Variants in NALF1 observed in about 807,000 individuals in gnomAD.
NALF1 encodes family with sequence similarity 155 member A.
NALF1 carries 3 observed loss-of-function variants against 48.4 expected under a neutral mutation model. The observed-to-expected ratio is 0.06, with a 90% CI of 0.03 to 0.16. NALF1 has a LOEUF of 0.16. NALF1 is among the 10% of genes least tolerant of loss of function. The pLI, the probability that NALF1 is intolerant of heterozygous loss-of-function variation, is 1.00. For missense variants in NALF1, 526 were observed against 571.5 expected (o/e 0.92, Z 0.81); for synonymous variants, 262 against 245.7 (o/e 1.07, Z -0.62).
At chr13:107,700,933 A>AT (rs1367770520) in intron 1 of NALF1, among the ~76,000 whole-genome samples, 29 of 152,282 alleles carry the variant, frequency 1.9e-4, no homozygotes, top group Admixed American at 1.9e-3. Flanking sequence ...TAAAACTTCT[A>AT]TATCACCTTA....
chr13:107,468,372 C>T (rs1594079102), intron 1 of NALF1, among the ~76,000 whole-genome samples: 1 of 152,226 alleles, frequency 6.6e-6, no homozygotes, highest in East Asian at 1.9e-4. Flanking sequence ...CTCTCATAAA[C>T]TTTGAAAGCT....
chr13:107,375,240 T>C (rs1310032508), intron 1 of NALF1, among the ~76,000 whole-genome samples: 1 of 152,216 alleles, frequency 6.6e-6, no homozygotes, highest in Non-Finnish European at 1.5e-5. Flanking sequence ...TGTTTAGCTT[T>C]CAAGTATGTG....
At chr13:107,592,227 T>C (rs935453677) in intron 1 of NALF1, among the ~76,000 whole-genome samples, 1 of 151,944 alleles carries the variant, frequency 6.6e-6, no homozygotes, top group Non-Finnish European at 1.5e-5. Context: ...CAAAATGTGA[T>C]ATTTGCTATG....
intron 1 of NALF1, among the ~76,000 whole-genome samples, chr13:107,338,948 C>G (rs532729009): frequency 6.6e-5 from 10 of 151,644 alleles, no homozygotes; most frequent in African/African-American, 2.4e-5. Context: ...CTGGCTAACA[C>G]GGTGAAACCC....
chr13:107,236,068 G>A (rs1880335695), intron 1 of NALF1, among the ~76,000 whole-genome samples: 1 of 152,114 alleles, frequency 6.6e-6, no homozygotes, highest in Non-Finnish European at 1.5e-5. Flanking sequence ...TAGTGCCTAG[G>A]AGCAATCTGC....
intron 2 of NALF1, among the ~76,000 whole-genome samples, chr13:107,207,319 T>C (rs948503195): frequency 6.6e-6 from 1 of 152,216 alleles, no homozygotes. Context: ...AAAAACAGAA[T>C]GTAAATGGCT....
At chr13:107,371,457 T>C (rs1260953888) in intron 1 of NALF1, among the ~76,000 whole-genome samples, 1 of 96,244 alleles carries the variant, frequency 1.0e-5, no homozygotes, top group Non-Finnish European at 2.3e-5. Flanking sequence ...AAAATAAAAA[T>C]AAAATAAATA....
chr13:107,567,021 A>G (rs1877830910), intron 1 of NALF1, among the ~76,000 whole-genome samples: 1 of 152,244 alleles, frequency 6.6e-6, no homozygotes, highest in Non-Finnish European at 1.5e-5. Context: ...AAAATTACAA[A>G]GGCATAAAAA....
intron 1 of NALF1, among the ~76,000 whole-genome samples, chr13:107,636,442 T>C (rs1406487189): frequency 6.6e-6 from 1 of 152,158 alleles, no homozygotes; most frequent in East Asian, 1.9e-4. Flanking sequence ...GATTTGTGGG[T>C]GCCCCATCTA....
chr13:107,617,363 C>T (rs1460911451), intron 1 of NALF1, among the ~76,000 whole-genome samples: 2 of 152,106 alleles, frequency 1.3e-5, no homozygotes, highest in Non-Finnish European at 2.9e-5. Flanking sequence ...GAGAATCATT[C>T]GTAACAGTCA....
intron 1 of NALF1, among the ~76,000 whole-genome samples, chr13:107,329,833 C>G (rs143876049): frequency 1.1e-4 from 16 of 152,256 alleles, no homozygotes; most frequent in African/African-American, 3.6e-4. Flanking sequence ...AAGACATGAA[C>G]TCATCATTTT....
At chr13:107,698,512 T>C (rs906244211) in intron 1 of NALF1, among the ~76,000 whole-genome samples, 3 of 152,206 alleles carry the variant, frequency 2.0e-5, no homozygotes, top group Admixed American at 6.5e-5. Flanking sequence ...CCTACTCCTA[T>C]ACCCCATATA....
intron 1 of NALF1, among the ~76,000 whole-genome samples, chr13:107,585,809 A>G (rs1401306914): frequency 2.6e-5 from 4 of 152,138 alleles, no homozygotes; most frequent in Non-Finnish European, 5.9e-5. Context: ...TTTCATAAAC[A>G]CACTCTATGG....
chr13:107,368,543 C>T (rs4526881), intron 1 of NALF1, among the ~76,000 whole-genome samples: 13,700 of 152,184 alleles, frequency 0.09, 778 homozygotes, highest in East Asian at 0.11. Flanking sequence ...TTCCACTCTT[C>T]GTCTCTTCTG....
At chr13:107,448,458 GC>G (rs1884686739) in intron 1 of NALF1, among the ~76,000 whole-genome samples, 2 of 152,252 alleles carry the variant, frequency 1.3e-5, no homozygotes, top group East Asian at 3.9e-4. Context: ...TTCTATTTTA[GC>G]AAAGAGTTGG....
intron 1 of NALF1, among the ~76,000 whole-genome samples, chr13:107,844,929 C>G (rs902230365): frequency 1.3e-5 from 2 of 152,016 alleles, no homozygotes; most frequent in Non-Finnish European, 2.9e-5. Flanking sequence ...CTAAATTTTT[C>G]CAAGTCAAAT....
intron 1 of NALF1, among the ~76,000 whole-genome samples, chr13:107,299,380 T>C (rs1055434742): frequency 4.6e-5 from 7 of 151,040 alleles, no homozygotes; most frequent in African/African-American, 1.7e-4. Flanking sequence ...GAGGTAGCAG[T>C]GAGCGAGATC....
chr13:107,819,733 T>A (rs1461504400), intron 1 of NALF1, among the ~76,000 whole-genome samples: 1 of 141,708 alleles, frequency 7.1e-6, no homozygotes, highest in African/African-American at 2.9e-5. Context: ...ACTGTCTCTC[T>A]CTCTCTCTCT....
At chr13:107,417,513 T>C (rs1566333958) in intron 1 of NALF1, among the ~76,000 whole-genome samples, 3 of 140,836 alleles carry the variant, frequency 2.1e-5, no homozygotes, top group Non-Finnish European at 3.2e-5. Flanking sequence ...AATACATTTT[T>C]AATATTTAAT....
Sources: gnomAD v4.1 joint callset for allele counts (sites outside exome capture counted in the v4.1 genomes callset) on GRCh38, gnomAD v4.1.1 for gene constraint, MANE v1.5 for transcripts, NCBI Gene and HGNC (gene_info 2026-07-23, HGNC 2026-07-21) for gene names.